CHLSN: variants seen among roughly 807,000 people sequenced by gnomAD.
CHLSN encodes the protein cholesin, also known as protein cholesin.
chr7:1,116,328 CCAACGCCCA>C, the CHLSN span, among the ~76,000 whole-genome samples: 2 of 144,608 alleles, frequency 1.4e-5, no homozygotes, highest in Non-Finnish European at 3.0e-5. Context: ...GCTTCCATCA[CCAACGCCCA>C]TGCAGGATGA....
the CHLSN span, among the ~76,000 whole-genome samples, chr7:991,254 AC>A: frequency 7.3e-5 from 11 of 151,394 alleles, no homozygotes; most frequent in Admixed American, 6.6e-5. Flanking sequence ...CATAACCCCA[AC>A]CCCAACCCTG....
the CHLSN span, among the ~76,000 whole-genome samples, chr7:1,013,847 A>G: frequency 6.6e-6 from 1 of 152,246 alleles, no homozygotes; most frequent in African/African-American, 2.4e-5. Flanking sequence ...ACTCATATGA[A>G]GTACAGAAAA....
the CHLSN span, among the ~76,000 whole-genome samples, chr7:1,019,494 G>A: frequency 2.0e-5 from 3 of 152,194 alleles, no homozygotes; most frequent in African/African-American, 7.2e-5. Flanking sequence ...CACAGCTCCC[G>A]GCAGAAATGC....
the CHLSN span, chr7:1,024,745 G>C: frequency 1.3e-5 from 2 of 152,172 alleles, no homozygotes; most frequent in African/African-American, 4.8e-5. Flanking sequence ...CTGACTGAGT[G>C]GGGGAGCACT....
chr7:1,072,539 C>A, the CHLSN span, among the ~76,000 whole-genome samples: 10 of 152,328 alleles, frequency 6.6e-5, no homozygotes, highest in South Asian at 1.7e-3. Flanking sequence ...ATCTGAGACA[C>A]AGAGCTTTCC....
chr7:1,053,839 A>G, the CHLSN span, among the ~76,000 whole-genome samples: 1 of 152,118 alleles, frequency 6.6e-6, no homozygotes, highest in African/African-American at 2.4e-5. Context: ...AAAAACAAAA[A>G]CAAAACCAAA....
At chr7:1,099,831 G>C in the CHLSN span, among the ~76,000 whole-genome samples, 1 of 152,224 alleles carries the variant, frequency 6.6e-6, no homozygotes, top group Admixed American at 6.5e-5. Context: ...TAGGCGGTTT[G>C]CTCAGAACTC....
chr7:1,068,036 G>T, the CHLSN span, among the ~76,000 whole-genome samples: 8 of 152,274 alleles, frequency 5.3e-5, no homozygotes, highest in East Asian at 1.2e-3. Context: ...TGCAGCACAC[G>T]CTGCGGCCCC....
At chr7:990,184 G>A in the CHLSN span, among the ~76,000 whole-genome samples, 1 of 43,690 alleles carries the variant, frequency 2.3e-5, no homozygotes. Flanking sequence ...TGCTGGGGGC[G>A]GTGTGGTCGG....
At chr7:1,093,477 G>C in the CHLSN span, 4 of 469,746 alleles carry the variant, frequency 8.5e-6, no homozygotes, top group Admixed American at 9.4e-5. Flanking sequence ...GGCCTCACCA[G>C]GCCCACGAGG....
chr7:1,054,855 G>A, the CHLSN span, among the ~76,000 whole-genome samples: 2 of 152,340 alleles, frequency 1.3e-5, no homozygotes, highest in East Asian at 3.9e-4. Flanking sequence ...ACCTGCCCTC[G>A]GCCTCCGCTG....
the CHLSN span, among the ~76,000 whole-genome samples, chr7:1,064,091 T>C: frequency 4.8e-5 from 7 of 146,932 alleles, no homozygotes; most frequent in African/African-American, 7.6e-5. Context: ...TCAGGCAGCA[T>C]ACACACACAC....
At chr7:1,051,229 T>TG in the CHLSN span, among the ~76,000 whole-genome samples, 1 of 152,200 alleles carries the variant, frequency 6.6e-6, no homozygotes. Context: ...CCATGAACAC[T>TG]GTGTCCCAAC....
At chr7:1,069,104 G>A in the CHLSN span, among the ~76,000 whole-genome samples, 13 of 152,278 alleles carry the variant, frequency 8.5e-5, no homozygotes, top group Non-Finnish European at 1.5e-4. Flanking sequence ...AGGCCGAGGC[G>A]GGCGGATCAC....
the CHLSN span, among the ~76,000 whole-genome samples, chr7:995,970 A>C: frequency 1.3e-5 from 2 of 152,208 alleles, no homozygotes; most frequent in East Asian, 3.8e-4. Flanking sequence ...CACGGTCCTT[A>C]GGGTCTCCTC....
chr7:1,029,117 A>T, the CHLSN span: 1 of 152,070 alleles, frequency 6.6e-6, no homozygotes, highest in Non-Finnish European at 1.5e-5. Flanking sequence ...CTAAGACTGC[A>T]GATCAGTTTT....
the CHLSN span, among the ~76,000 whole-genome samples, chr7:1,116,139 A>C: frequency 0.062 from 5,621 of 90,252 alleles, 657 homozygotes; most frequent in African/African-American, 0.22. Flanking sequence ...AGGATGACAT[A>C]ACTACAGCTC....
At chr7:1,014,655 G>A in the CHLSN span, among the ~76,000 whole-genome samples, 1 of 152,400 alleles carries the variant, frequency 6.6e-6, no homozygotes, top group South Asian at 2.1e-4. Context: ...GCTCCATAAA[G>A]CCAGCCTGGC....
chr7:1,048,485 G>A, the CHLSN span, among the ~76,000 whole-genome samples: 256 of 152,162 alleles, frequency 1.7e-3, 2 homozygotes, highest in African/African-American at 5.9e-3. Flanking sequence ...TGAGAGGGGT[G>A]GTCACCATCC....
Sources: gnomAD v4.1 joint callset for allele counts (sites outside exome capture counted in the v4.1 genomes callset) on GRCh38, gnomAD v4.1.1 for gene constraint, MANE v1.5 for transcripts, NCBI Gene and HGNC (gene_info 2026-07-23, HGNC 2026-07-21) for gene names.